KPNA2: variants seen among roughly 807,000 people sequenced by gnomAD.
KPNA2 encodes karyopherin subunit alpha 2, also known as importin subunit alpha-1.
Under a neutral mutation model 53.7 loss-of-function variants are expected in KPNA2, and 20 were observed. The observed-to-expected ratio is 0.37, with a 90% CI of 0.26 to 0.54. The LOEUF (loss-of-function observed/expected upper bound fraction) is 0.54. KPNA2 is among the 20% of genes least tolerant of loss of function. The probability of loss-of-function intolerance (pLI) is 0.83; values close to 1 mark genes in which losing one functional copy is unlikely to be tolerated. For missense variants in KPNA2, 515 were observed against 640.3 expected (o/e 0.80, Z 2.11); for synonymous variants, 238 against 227.5 (o/e 1.05, Z -0.42).
chr17:68,042,726 C>T (rs1054897984), intron 5 of KPNA2, among the ~76,000 whole-genome samples, 179 bp from the exon 6 acceptor site: 59 of 152,032 alleles, frequency 3.9e-4, no homozygotes, highest in Admixed American at 1.8e-3. Flanking sequence ...ACTAAAAATA[C>T]AAAAAATTAG....
chr17:68,040,682 C>T lies in KPNA2; in HGVS notation c.218C>T (p.Thr73Ile). Residue 73 changes from threonine to isoleucine, a missense_variant, in exon 4 of 11, where the codon ACT becomes ATT. Physicochemically the swap from Thr to Ile is moderately conservative, Grantham distance 89. Coordinates refer to ENST00000330459, the MANE Select transcript of KPNA2 (RefSeq NM_002266.4). ...AAACTTTCACTTTTCTTCTAGGGCA[C>T]TGTAAATTGGTCTGTTGATGACATT... ...PLQENRNNQG[T>I]VNWSVDDIVK... 3.1e-6 allele frequency: 5 copies of T among 1,606,622 alleles called. No individual in the cohort carries two copies. The highest frequency in any genetic ancestry group is 4.3e-6 in the Non-Finnish European group (5 of 1,173,916).
intron 3 of KPNA2, among the ~76,000 whole-genome samples, chr17:68,038,224 C>T (rs1409842446): frequency 6.6e-6 from 1 of 152,210 alleles, no homozygotes; most frequent in Non-Finnish European, 1.5e-5. Flanking sequence ...ATCCACCCGC[C>T]TCAGCCTCCC....
chr17:68,035,745 T>A lies in KPNA2; in HGVS notation c.-119T>A, dbSNP rs1555703590. 1 of 152,302 alleles carries A rather than the reference T, an allele frequency of 6.6e-6. No individual in the cohort carries two copies. Among genetic ancestry groups the A allele is most frequent in the Non-Finnish European group, 1.5e-5 (1 of 68,168 alleles). 9.4% of individuals were successfully genotyped at this position (152,302 alleles called of 1,614,324 possible). A position where few individuals can be genotyped will look rare whatever the true frequency, so the allele number is the denominator to read the frequency against. On this transcript the variant is annotated 5_prime_UTR_variant, in exon 1 of 11. Transcript: ENST00000330459. The stretch of plus-strand genomic sequence containing the variant: ...CCGGCTGCACGAGCCACACGGTCTT[T>A]GAGCTGAGTCGAGGTGGACCCTTTG...
At chr17:68,039,412 C>A (rs530293830) in intron 3 of KPNA2, among the ~76,000 whole-genome samples, 2 of 151,718 alleles carry the variant, frequency 1.3e-5, no homozygotes, top group African/African-American at 4.8e-5. Context: ...CGAGCCACTT[C>A]GCCCAGCCAA....
At chr17:68,038,921 A>G (rs1249470324) in intron 3 of KPNA2, among the ~76,000 whole-genome samples, 1 of 152,126 alleles carries the variant, frequency 6.6e-6, no homozygotes, top group Non-Finnish European at 1.5e-5. Context: ...GGGCTGAGAC[A>G]GAAGAATCAC....
Position 68,044,377 on chromosome 17 carries a change from T to C in KPNA2, c.1221T>C (p.Gly407=), listed in dbSNP as rs1555705140. The C allele has an allele frequency of 6.2e-7, 1 of 1,614,192 alleles. No homozygotes were observed. Among genetic ancestry groups the C allele is most frequent in the South Asian group, 1.1e-5 (1 of 91,076 alleles). ...GGGCCGTGACCAACTATACCAGTGG[T>C]GGAACAGTTGAACAGATTGTGTACC... ...AVWAVTNYTS[G]GTVEQIVYLV... is the part of the protein sequence containing the mutation. The change falls in exon 9 of 11, where the codon GGT becomes GGC. Residue 407 remains glycine, a synonymous_variant. Coordinates refer to ENST00000330459, the MANE Select transcript of KPNA2 (RefSeq NM_002266.4).
intron 9 of KPNA2, 165 bp from the exon 10 acceptor site, chr17:68,045,607 G>C (rs1372646033): frequency 1.8e-6 from 1 of 546,330 alleles, no homozygotes; most frequent in African/African-American, 1.9e-5. Flanking sequence ...ATCACATTGA[G>C]TGTCAACAAA....
intron 3 of KPNA2, among the ~76,000 whole-genome samples, chr17:68,039,789 AAAG>A (rs2071233030): frequency 6.8e-6 from 1 of 146,778 alleles, no homozygotes; most frequent in Non-Finnish European, 1.5e-5. Context: ...TCCAAAAAAA[AAAG>A]TCGGGCATGG....
chr17:68,045,080 G>C (rs142488659), intron 9 of KPNA2, among the ~76,000 whole-genome samples: 1,819 of 138,712 alleles, frequency 0.013, 36 homozygotes, highest in African/African-American at 0.046. Context: ...GGGCAAGAGT[G>C]AAACTGTCTT....
At chr17:68,044,715 A>G (rs2071308336) in intron 9 of KPNA2, among the ~76,000 whole-genome samples, 2 of 152,356 alleles carry the variant, frequency 1.3e-5, no homozygotes, top group South Asian at 4.1e-4. Context: ...CCTGAATCGG[A>G]GTCAGGCGCT....
chr17:68,040,724 G>A lies in KPNA2; in HGVS notation c.260G>A (p.Ser87Asn). 1.2e-6 allele frequency: 2 copies of A among 1,613,660 alleles called. 1 individual carries two copies. Among genetic ancestry groups the A allele is most frequent in the South Asian group, 2.2e-5 (2 of 91,066 alleles). ...SVDDIVKGIN[S>N]SNVENQLQAT... ...GATGACATTGTCAAAGGCATAAATA[G>A]CAGCAATGTGGAAAATCAGCTCCAA... Residue 87 changes from serine to asparagine, a missense_variant, in exon 4 of 11, where the codon AGC becomes AAC. Physicochemically the swap from Ser to Asn is conservative, Grantham distance 46. Coordinates refer to ENST00000330459, the MANE Select transcript of KPNA2 (RefSeq NM_002266.4).
intron 1 of KPNA2, among the ~76,000 whole-genome samples, chr17:68,036,743 T>G (rs2071194819): frequency 6.6e-6 from 1 of 152,246 alleles, no homozygotes; most frequent in African/African-American, 2.4e-5. Context: ...GTCAGTTATT[T>G]TATATATTGA....
intron 1 of KPNA2, 191 bp from the exon 2 acceptor site, chr17:68,036,919 A>T: frequency 4.1e-6 from 2 of 490,366 alleles, no homozygotes; most frequent in Non-Finnish European, 7.2e-6. Flanking sequence ...AGGAAGTCTC[A>T]GCCCTTTAGA....
rs376171602 is a variant in KPNA2 at position 68,037,386 on chromosome 17, A to T, written c.104A>T (p.Asn35Ile). 2.5e-6 allele frequency: 4 copies of T among 1,614,086 alleles called. No homozygotes were observed. Among genetic ancestry groups the T allele is most frequent in the Non-Finnish European group, 3.4e-6 (4 of 1,179,962 alleles). Residue 35 changes from asparagine (N) to isoleucine (I), a missense_variant, in exon 3 of 11, where the codon AAT becomes ATT. Coordinates refer to ENST00000330459, the MANE Select transcript of KPNA2 (RefSeq NM_002266.4). ...TEMRRRRIEV[N>I]VELRKAKKDD... Reference sequence around the variant, plus strand: ...ATGAGGCGTCGCAGAATAGAGGTCAATGTGGAGCTGAGGAAAGCTAAGAAG... The same window carrying T: ...ATGAGGCGTCGCAGAATAGAGGTCATTGTGGAGCTGAGGAAAGCTAAGAAG...
intron 3 of KPNA2, among the ~76,000 whole-genome samples, chr17:68,038,940 G>A (rs903378323): frequency 6.6e-6 from 1 of 152,082 alleles, no homozygotes; most frequent in African/African-American, 2.4e-5. Context: ...ACTTGAGCCC[G>A]GGATTTTGAG....
intron 8 of KPNA2, 32 bp from the exon 9 acceptor site, chr17:68,044,289 C>G (rs781993500): frequency 3.8e-6 from 6 of 1,578,602 alleles, no homozygotes; most frequent in Non-Finnish European, 5.2e-6. Context: ...TGCAACTGTT[C>G]TGAAATAAAA....
At chr17:68,041,591 C>T (rs782402844) in intron 4 of KPNA2, among the ~76,000 whole-genome samples, 47 of 152,034 alleles carry the variant, frequency 3.1e-4, no homozygotes, top group Non-Finnish European at 4.4e-4. Context: ...TTGGGTGTGG[C>T]GGTGCACACT....
intron 3 of KPNA2, among the ~76,000 whole-genome samples, chr17:68,039,295 AT>A (rs1191490368): frequency 6.6e-6 from 1 of 151,068 alleles, no homozygotes; most frequent in Non-Finnish European, 1.5e-5. Context: ...TAATTTTTGC[AT>A]TTTTAGTAGA....
chr17:68,039,649 G>A (rs576882051), intron 3 of KPNA2, among the ~76,000 whole-genome samples: 117 of 150,502 alleles, frequency 7.8e-4, no homozygotes, highest in African/African-American at 2.8e-3. Flanking sequence ...GCATCGTGGC[G>A]CATGCCTGTA....
Sources: allele counts gnomAD v4.1 joint callset (sites outside exome capture counted in the v4.1 genomes callset), GRCh38; gene constraint gnomAD v4.1.1; transcripts MANE v1.5; gene names NCBI Gene and HGNC (gene_info 2026-07-23, HGNC 2026-07-21).